The following LIN7A variants were observed in gnomAD, a reference collection of about 807,000 sequenced individuals.
LIN7A encodes the protein protein lin-7 homolog A.
A neutral mutation model predicts 29.8 loss-of-function variants in LIN7A; 25 were observed. That is an observed-to-expected ratio of 0.84 (90% CI 0.61 to 1.17). The LOEUF (loss-of-function observed/expected upper bound fraction) is 1.17. LIN7A is among the 50% of genes most tolerant of loss of function. The pLI is 0.00. For missense variants in LIN7A, 239 were observed against 287.0 expected, an observed-to-expected ratio of 0.83 and a Z score of 1.21; for synonymous variants, 118 against 107.5, an observed-to-expected ratio of 1.10 and a Z score of -0.60.
intron 3 of LIN7A, 62 bp downstream of exon 3, chr12:80,848,189 G>A (rs745926226): frequency 4.5e-5 from 54 of 1,199,778 alleles, no homozygotes; most frequent in Middle Eastern, 1.9e-4. Flanking sequence ...AAACACACAC[G>A]CGCACAATCA....
intron 5 of LIN7A, among the ~76,000 whole-genome samples, chr12:80,807,228 C>A (rs1320466714): frequency 6.6e-6 from 1 of 151,738 alleles, no homozygotes; most frequent in Non-Finnish European, 1.5e-5. Context: ...CCCGCCACCA[C>A]GCCCAGCTAA....
At chr12:80,828,088 G>A (rs1177511620) in intron 4 of LIN7A, among the ~76,000 whole-genome samples, 1 of 151,984 alleles carries the variant, frequency 6.6e-6, no homozygotes, top group African/African-American at 2.4e-5. Context: ...AAAAAAGAAT[G>A]TATCCCCAAG....
At chr12:80,904,487 G>A (rs1876376979) in intron 1 of LIN7A, among the ~76,000 whole-genome samples, 1 of 152,110 alleles carries the variant, frequency 6.6e-6, no homozygotes, top group Non-Finnish European at 1.5e-5. Context: ...GATAGTCCCT[G>A]TTACTATGAG....
intron 2 of LIN7A, among the ~76,000 whole-genome samples, chr12:80,879,645 CAAAAAAAAA>C (rs530877505): frequency 2.2e-4 from 13 of 58,742 alleles, no homozygotes; most frequent in South Asian, 1.1e-3. Flanking sequence ...TGGAGCAGCC[CAAAAAAAAA>C]AAAAAAAAAA....
intron 4 of LIN7A, among the ~76,000 whole-genome samples, chr12:80,839,146 C>G (rs992616943): frequency 6.6e-6 from 1 of 152,166 alleles, no homozygotes; most frequent in South Asian, 2.1e-4. Flanking sequence ...TTTACTTATG[C>G]AAACCCATAA....
Position 80,889,233 on chromosome 12 carries a change from A to G in LIN7A, c.201+18T>C. ...AGACATATGGCTGAATTTAGTTATT[A>G]AAATTTTAGTGCCATACCTCTCGAA... On this transcript the variant is annotated intron_variant, in intron 2 of 5. Coordinates refer to ENST00000552864, the MANE Select transcript of LIN7A (RefSeq NM_004664.4). 6 of 1,360,966 alleles carry G rather than the reference A, an allele frequency of 4.4e-6. No individual in the cohort carries two copies. The highest frequency in any genetic ancestry group is 6.3e-6 in the Non-Finnish European group (6 of 950,174). 84.3% of individuals were successfully genotyped at this position (1,360,966 alleles called of 1,614,324 possible).
At chr12:80,890,501 G>T (rs936045594) in intron 1 of LIN7A, among the ~76,000 whole-genome samples, 3 of 152,120 alleles carry the variant, frequency 2.0e-5, no homozygotes, top group African/African-American at 7.2e-5. Context: ...TAATGAGAAA[G>T]AAATATAATA....
At chr12:80,865,015 C>G (rs542638207) in intron 2 of LIN7A, among the ~76,000 whole-genome samples, 2 of 152,312 alleles carry the variant, frequency 1.3e-5, no homozygotes, top group East Asian at 3.9e-4. Context: ...CAAAGAATCT[C>G]TCAGACACTG....
intron 2 of LIN7A, among the ~76,000 whole-genome samples, chr12:80,857,090 T>A (rs1021302273): frequency 6.6e-6 from 1 of 152,190 alleles, no homozygotes; most frequent in African/African-American, 2.4e-5. Context: ...GTTGGCTCTG[T>A]GAGATACACC....
At chr12:80,937,612 G>A in intron 1 of LIN7A, 29 bp downstream of exon 1, 10 of 1,437,244 alleles carry the variant, frequency 7.0e-6, no homozygotes, top group Non-Finnish European at 9.3e-6. Context: ...AGGGGACGCG[G>A]TGGCCTGGCG....
At chr12:80,930,107 C>T (rs1340312297) in intron 1 of LIN7A, among the ~76,000 whole-genome samples, 1 of 152,168 alleles carries the variant, frequency 6.6e-6, no homozygotes, top group South Asian at 2.1e-4. Flanking sequence ...TATCTCCACA[C>T]TGGGCAAGTA....
chr12:80,920,136 A>C (rs1317564766), intron 1 of LIN7A, among the ~76,000 whole-genome samples: 1 of 152,210 alleles, frequency 6.6e-6, no homozygotes, highest in East Asian at 1.9e-4. Flanking sequence ...CGTCCCAACT[A>C]TTCAACTCTG....
chr12:80,871,926 T>A (rs1874446993), intron 2 of LIN7A, among the ~76,000 whole-genome samples: 2 of 152,194 alleles, frequency 1.3e-5, no homozygotes, highest in Admixed American at 1.3e-4. Flanking sequence ...CACTGTTAGC[T>A]CATTATGCCT....
Position 80,820,388 on chromosome 12 carries a change from G to A in LIN7A, c.484-8705C>T, listed in dbSNP as rs1354619087. On this transcript the variant is annotated intron_variant, in intron 4 of 5. Coordinates refer to ENST00000552864, the MANE Select transcript of LIN7A (RefSeq NM_004664.4). The stretch of plus-strand genomic sequence containing the variant: ...ATGCAGAGCATTATCAGTAAGCCTG[G>A]GGGCAGAAAACTGAAAACGAGCAAA... 2.0e-5 allele frequency among the ~76,000 whole-genome samples: 3 copies of A among 152,124 alleles called. No individual in the cohort carries two copies. In the South Asian group the frequency reaches 6.2e-4, roughly 31 times the overall value.
chr12:80,848,043 CCTTT>C (rs1459818171), intron 3 of LIN7A: 6 of 666,800 alleles, frequency 9.0e-6, no homozygotes, highest in Non-Finnish European at 1.7e-5. Context: ...AAATCATTCT[CCTTT>C]CTTAAGCTAC....
intron 4 of LIN7A, among the ~76,000 whole-genome samples, chr12:80,822,591 G>T (rs1382447211): frequency 6.6e-6 from 1 of 152,008 alleles, no homozygotes; most frequent in East Asian, 1.9e-4. Flanking sequence ...AAATAAAAGG[G>T]GTAACTGCCC....
At chr12:80,848,369 A>G in intron 2 of LIN7A, 47 bp from the exon 3 acceptor site, 1 of 1,319,580 alleles carries the variant, frequency 7.6e-7, no homozygotes, top group South Asian at 1.2e-5. Flanking sequence ...CATGAAGAAT[A>G]ATAATTCTTT....
chr12:80,920,210 TA>T (rs1237820280), intron 1 of LIN7A, among the ~76,000 whole-genome samples: 12 of 152,308 alleles, frequency 7.9e-5, no homozygotes, highest in African/African-American at 2.9e-4. Flanking sequence ...GGTGCTCCAA[TA>T]AACTTCACTT....
At chr12:80,928,469 G>A (rs7967457) in intron 1 of LIN7A, among the ~76,000 whole-genome samples, 2,498 of 152,058 alleles carry the variant, frequency 0.016, 50 homozygotes, top group African/African-American at 0.048. Flanking sequence ...TGACATTCAC[G>A]TGTCTGTTGG....
Sources: allele counts gnomAD v4.1 joint callset (sites outside exome capture counted in the v4.1 genomes callset), GRCh38; gene constraint gnomAD v4.1.1; transcripts MANE v1.5; gene names NCBI Gene and HGNC (gene_info 2026-07-23, HGNC 2026-07-21).